Variants in CACNB4 observed in about 807,000 individuals in gnomAD.
The protein encoded by CACNB4 is calcium voltage-gated channel auxiliary subunit beta 4.
In CACNB4, 32 loss-of-function variants were observed where a neutral mutation model predicts 71.2. The observed-to-expected ratio is 0.45, with a 90% CI of 0.34 to 0.60. The LOEUF (loss-of-function observed/expected upper bound fraction) is 0.60. Ranked by LOEUF, CACNB4 falls within the 20% of genes least tolerant of loss-of-function variation. The pLI is 0.01. For synonymous variants in CACNB4, 231 were observed against 236.9 expected (o/e 0.97, Z 0.23); for missense variants, 464 against 647.9 (o/e 0.72, Z 3.08).
At chr2:152,090,171 G>A (rs1687893068) in intron 2 of CACNB4, among the ~76,000 whole-genome samples, 2 of 152,242 alleles carry the variant, frequency 1.3e-5, no homozygotes, top group Admixed American at 1.3e-4. Context: ...GATTTGAGTG[G>A]CCAAAGGAAG....
rs1244542445 is a variant in CACNB4, at chr2:152,099,040, T to C, written c.-29A>G. ...TCAGAGCCGCCGCATGGCCAGCCCG[T>C]GTGCGGTGGGCGGAGGGGGCTGGCC... is the stretch of plus-strand genomic sequence containing the variant. On this transcript the variant is annotated 5_prime_UTR_variant, in exon 1 of 14. Coordinates refer to ENST00000539935, the MANE Select transcript of CACNB4 (RefSeq NM_000726.5). 56 of 1,494,580 alleles carry C rather than the reference T, an allele frequency of 3.7e-5. No homozygotes were observed. The highest frequency in any genetic ancestry group is 4.7e-5 in the Non-Finnish European group (53 of 1,121,420). 92.6% of individuals were successfully genotyped at this position (1,494,580 alleles called of 1,614,324 possible).
rs1421913049 is a variant in CACNB4 at position 151,951,294 on chromosome 2, A to C, written c.148-67924T>G. 2.0e-5 allele frequency among the ~76,000 whole-genome samples: 3 copies of C among 152,070 alleles called. No homozygotes were observed. In the East Asian group the frequency reaches 5.8e-4, roughly 29 times the overall value. Reference sequence around the variant, plus strand: ...CTCACCTGAATTTCTAAAAATTAAAAAAAAAAACAACTAATAACCAAATGT... The same window carrying C: ...CTCACCTGAATTTCTAAAAATTAAACAAAAAAACAACTAATAACCAAATGT... On this transcript the variant is annotated intron_variant, in intron 2 of 13. Transcript: ENST00000539935.
chr2:151,866,307 C>T (rs149282558), intron 9 of CACNB4: 7 of 152,278 alleles, frequency 4.6e-5, no homozygotes, highest in Non-Finnish European at 8.8e-5. Flanking sequence ...AAGAAAGCCT[C>T]GTAGCCAACA....
chr2:151,919,770 C>T (rs1179045191), intron 2 of CACNB4, among the ~76,000 whole-genome samples: 8 of 152,094 alleles, frequency 5.3e-5, no homozygotes, highest in Non-Finnish European at 8.8e-5. Flanking sequence ...CAGGATCTAG[C>T]CATGCCAAAA....
chr2:152,049,726 T>G (rs1685321740), intron 2 of CACNB4, among the ~76,000 whole-genome samples: 1 of 152,234 alleles, frequency 6.6e-6, no homozygotes, highest in Non-Finnish European at 1.5e-5. Context: ...AAGGCTGTGT[T>G]CTAAAGCATG....
chr2:152,015,413 G>T (rs977409054), intron 2 of CACNB4, among the ~76,000 whole-genome samples: 3 of 152,080 alleles, frequency 2.0e-5, no homozygotes, highest in African/African-American at 7.2e-5. Context: ...TTACAGGCGT[G>T]AGCCACCATG....
intron 2 of CACNB4, among the ~76,000 whole-genome samples, chr2:152,076,993 G>C (rs1295449358): frequency 6.6e-6 from 1 of 152,216 alleles, no homozygotes; most frequent in African/African-American, 2.4e-5. Flanking sequence ...GCAGCCAGGG[G>C]AGGTCTCTCT....
rs1377074412 is a variant in CACNB4 at position 151,837,919 on chromosome 2, T to G, written c.*1200A>C. 30 of 152,324 alleles carry G rather than the reference T, an allele frequency of 2.0e-4. No individual in the cohort carries two copies. Among genetic ancestry groups the G allele is most frequent in the East Asian group, 1.9e-4 (1 of 5,192 alleles). The allele number at this position is 152,324 out of a possible 1,614,324, so 9.4% of individuals were successfully genotyped here. ...AGCTTTTAAAATCATTTGTTTCAAC[T>G]TTTTTCAATTAGTCATTTTGTAAAA... On this transcript the variant is annotated 3_prime_UTR_variant, in exon 14 of 14. Transcript: ENST00000539935.
intron 2 of CACNB4, among the ~76,000 whole-genome samples, chr2:151,915,271 G>A (rs1033434014): frequency 3.9e-5 from 6 of 152,202 alleles, no homozygotes; most frequent in East Asian, 1.9e-4. Flanking sequence ...TAACACAGCC[G>A]GTCTGTTGGG....
At chr2:152,054,326 A>T (rs1210010952) in intron 2 of CACNB4, among the ~76,000 whole-genome samples, 1 of 141,360 alleles carries the variant, frequency 7.1e-6, no homozygotes, top group Non-Finnish European at 1.5e-5. Context: ...AGATCGCGCC[A>T]CTGCACTCCA....
chr2:151,899,819 C>T (rs1238417439), intron 2 of CACNB4, among the ~76,000 whole-genome samples: 1 of 152,152 alleles, frequency 6.6e-6, no homozygotes, highest in Non-Finnish European at 1.5e-5. Flanking sequence ...TGTATGAGGC[C>T]TGTACCTTAG....
intron 2 of CACNB4, among the ~76,000 whole-genome samples, chr2:152,062,279 ATTCAGGCAGCAAAGAC>A (rs1232339780): frequency 6.6e-6 from 1 of 152,122 alleles, no homozygotes; most frequent in Non-Finnish European, 1.5e-5. Context: ...GAAAAACAGT[ATTCAGGCAGCAAAGAC>A]TGTGAACATC....
intron 9 of CACNB4, chr2:151,866,199 A>G (rs1355455022): frequency 6.6e-6 from 1 of 152,232 alleles, no homozygotes; most frequent in East Asian, 1.9e-4. Context: ...AAGGTATCAA[A>G]AAAATCCCAA....
At chr2:152,072,954 C>T (rs892194225) in intron 2 of CACNB4, among the ~76,000 whole-genome samples, 5 of 152,108 alleles carry the variant, frequency 3.3e-5, no homozygotes, top group African/African-American at 1.2e-4. Flanking sequence ...TGGCCAATTA[C>T]CTCTGTTTTA....
chr2:151,914,920 G>T, intron 2 of CACNB4, among the ~76,000 whole-genome samples: 1 of 152,288 alleles, frequency 6.6e-6, no homozygotes, highest in South Asian at 2.1e-4. Flanking sequence ...CCTGTATAGG[G>T]TGTCTGACAA....
chr2:151,921,185 G>A (rs1041325050), intron 2 of CACNB4, among the ~76,000 whole-genome samples: 3 of 41,124 alleles, frequency 7.3e-5, no homozygotes, highest in African/African-American at 1.6e-4. Flanking sequence ...AAATAAATAA[G>A]TTAAAAAAAA....
At chr2:151,871,343 T>C (rs941562443) in intron 6 of CACNB4, 3 of 154,206 alleles carry the variant, frequency 1.9e-5, no homozygotes, top group African/African-American at 7.2e-5. Flanking sequence ...GCCCATTTTC[T>C]AGAATATTGG....
intron 2 of CACNB4, among the ~76,000 whole-genome samples, chr2:152,059,569 G>A (rs369674257): frequency 5.3e-5 from 8 of 152,210 alleles, no homozygotes; most frequent in Non-Finnish European, 8.8e-5. Context: ...TTTATCCAAC[G>A]CCTGTATCCA....
At chr2:152,029,145 T>C (rs187842931) in intron 2 of CACNB4, among the ~76,000 whole-genome samples, 1 of 152,114 alleles carries the variant, frequency 6.6e-6, no homozygotes, top group Admixed American at 6.5e-5. Context: ...GATGAGGTCA[T>C]GAGGGTCTTA....
Sources: gnomAD v4.1 joint callset for allele counts (sites outside exome capture counted in the v4.1 genomes callset) on GRCh38, gnomAD v4.1.1 for gene constraint, MANE v1.5 for transcripts, NCBI Gene and HGNC (gene_info 2026-07-23, HGNC 2026-07-21) for gene names.